The following STIMATE variants were observed in gnomAD, a reference collection of about 807,000 sequenced individuals.
The protein encoded by STIMATE is store-operated calcium entry regulator STIMATE.
A neutral mutation model predicts 36.7 loss-of-function variants in STIMATE; 15 were observed. The ratio of observed to expected loss-of-function variants is 0.41; its 90% CI spans 0.27 to 0.63. The LOEUF is 0.63. STIMATE is among the 20% of genes least tolerant of loss of function. STIMATE has a pLI of 0.32. For synonymous variants in STIMATE, 163 were observed against 162.3 expected, an observed-to-expected ratio of 1.00 and a Z score of -0.03; for missense variants, 305 against 397.3, an observed-to-expected ratio of 0.77 and a Z score of 1.98.
chr3:52,871,843 C>T (rs1440609649), intron 1 of STIMATE, among the ~76,000 whole-genome samples: 1 of 152,118 alleles, frequency 6.6e-6, no homozygotes, highest in Admixed American at 6.5e-5. Context: ...ACAAACACAA[C>T]CCCCCCATGC....
chr3:52,876,340 G>C (rs1029492785), intron 1 of STIMATE, among the ~76,000 whole-genome samples: 2 of 152,158 alleles, frequency 1.3e-5, no homozygotes, highest in East Asian at 3.9e-4. Context: ...GATGGAGCCT[G>C]GTCCCTTGAT....
chr3:52,895,558 T>C (rs1261026341), intron 1 of STIMATE, among the ~76,000 whole-genome samples: 2 of 152,220 alleles, frequency 1.3e-5, no homozygotes, highest in Admixed American at 1.3e-4. Context: ...GATTTGCACA[T>C]GTGCTCACGC....
chr3:52,880,612 C>G (rs1701586758), intron 1 of STIMATE, among the ~76,000 whole-genome samples: 1 of 152,104 alleles, frequency 6.6e-6, no homozygotes, highest in African/African-American at 2.4e-5. Context: ...GGAGACAGAG[C>G]TCCTGGGGCT....
chr3:52,844,996 G>T lies in STIMATE; in HGVS notation c.428-55C>A, dbSNP rs1238280035. ...TGGGGCCCAGGCATCTGAGTGAGAT[G>T]ATGTCCCCACCCCACTCCCCCACAC... On this transcript the variant is annotated intron_variant, in intron 4 of 7. Coordinates refer to ENST00000355083, the MANE Select transcript of STIMATE (RefSeq NM_198563.5). 3.8e-6 allele frequency: 6 copies of T among 1,585,328 alleles called. No homozygotes were observed. The East Asian group carries it at 1.4e-4, about 36-fold the overall frequency.
At chr3:52,861,932 C>T (rs1312343249) in intron 1 of STIMATE, among the ~76,000 whole-genome samples, 2 of 152,180 alleles carry the variant, frequency 1.3e-5, no homozygotes, top group African/African-American at 4.8e-5. Context: ...TCTGTCCTCC[C>T]TACACAGCCT....
At chr3:52,869,139 G>A (rs532924685) in intron 1 of STIMATE, among the ~76,000 whole-genome samples, 2 of 152,200 alleles carry the variant, frequency 1.3e-5, no homozygotes, top group South Asian at 2.1e-4. Flanking sequence ...TCATCCAACT[G>A]ATCCCTCAAG....
At chr3:52,863,408 C>T (rs748457246) in intron 1 of STIMATE, among the ~76,000 whole-genome samples, 1 of 152,136 alleles carries the variant, frequency 6.6e-6, no homozygotes, top group Non-Finnish European at 1.5e-5. Flanking sequence ...ACCACAGGAA[C>T]AGTATGGGGG....
At chr3:52,843,866 G>T in intron 5 of STIMATE, 68 bp from the exon 6 acceptor site, 1 of 1,596,124 alleles carries the variant, frequency 6.3e-7, no homozygotes. Flanking sequence ...GTGGGTGGGT[G>T]GTACCCATAG....
intron 4 of STIMATE, among the ~76,000 whole-genome samples, chr3:52,846,070 T>C (rs1700893764): frequency 6.6e-6 from 1 of 152,246 alleles, no homozygotes; most frequent in Non-Finnish European, 1.5e-5. Context: ...GCACCCATGC[T>C]GGAGGCCCAT....
At position 52,838,638 on chromosome 3, in the gene STIMATE, C is replaced by T. The variant is rs967788345; in HGVS notation, c.*1856G>A. On this transcript the variant is annotated 3_prime_UTR_variant, in exon 8 of 8. Transcript: ENST00000355083. Reference sequence around the variant, plus strand: ...GGAATGACACCAGCAAAGTTGCCTCCTACTGTAGTTACAGTCCCTGCTCCT... The same window carrying T: ...GGAATGACACCAGCAAAGTTGCCTCTTACTGTAGTTACAGTCCCTGCTCCT... 6.6e-6 allele frequency: 1 copy of T among 152,210 alleles called. No homozygotes were observed. The highest frequency in any genetic ancestry group is 1.5e-5 in the Non-Finnish European group (1 of 68,046). 9.4% of individuals were successfully genotyped at this position (152,210 alleles called of 1,614,324 possible).
At chr3:52,887,994 GT>G (rs71087029) in intron 1 of STIMATE, among the ~76,000 whole-genome samples, 1,505 of 52,698 alleles carry the variant, frequency 0.029, 63 homozygotes, top group African/African-American at 0.099. Flanking sequence ...AACAGAATCA[GT>G]TTTTTTTTTT....
At chr3:52,874,924 C>A (rs895576518) in intron 1 of STIMATE, among the ~76,000 whole-genome samples, 3 of 152,220 alleles carry the variant, frequency 2.0e-5, no homozygotes, top group African/African-American at 7.2e-5. Flanking sequence ...CAATTTTGCA[C>A]ATTAGATAAT....
intron 1 of STIMATE, among the ~76,000 whole-genome samples, chr3:52,892,508 G>A (rs985349805): frequency 1.4e-4 from 22 of 152,234 alleles, no homozygotes; most frequent in Non-Finnish European, 1.5e-5. Flanking sequence ...CACTCCAGAA[G>A]GAGGAAAGGA....
At chr3:52,870,311 A>G (rs1460515000) in intron 1 of STIMATE, among the ~76,000 whole-genome samples, 2 of 152,188 alleles carry the variant, frequency 1.3e-5, no homozygotes, top group Non-Finnish European at 2.9e-5. Context: ...AACCAGGGAA[A>G]GAGAAAAATC....
At chr3:52,872,315 G>C (rs1701421677) in intron 1 of STIMATE, among the ~76,000 whole-genome samples, 1 of 152,196 alleles carries the variant, frequency 6.6e-6, no homozygotes, top group Non-Finnish European at 1.5e-5. Context: ...AACAGTATTT[G>C]TTGAACAAAG....
chr3:52,867,551 T>C (rs562014882), intron 1 of STIMATE, among the ~76,000 whole-genome samples: 1 of 152,208 alleles, frequency 6.6e-6, no homozygotes, highest in South Asian at 2.1e-4. Context: ...AACACACCCA[T>C]AGTTTTGGAG....
At chr3:52,855,843 G>C (rs1294937839) in intron 1 of STIMATE, among the ~76,000 whole-genome samples, 1 of 152,196 alleles carries the variant, frequency 6.6e-6, no homozygotes, top group East Asian at 1.9e-4. Context: ...CTCCAACCCA[G>C]GCACTAAGGA....
chr3:52,877,469 A>G (rs1701519411), intron 1 of STIMATE, among the ~76,000 whole-genome samples: 1 of 152,218 alleles, frequency 6.6e-6, no homozygotes, highest in South Asian at 2.1e-4. Flanking sequence ...GCACAGAAAC[A>G]GCAGTAAGAG....
intron 1 of STIMATE, among the ~76,000 whole-genome samples, chr3:52,863,508 G>A (rs1701253038): frequency 1.3e-5 from 2 of 152,188 alleles, no homozygotes; most frequent in South Asian, 4.1e-4. Flanking sequence ...TGAGATTTGG[G>A]TGGGGACACA....
Sources: gnomAD v4.1 joint callset for allele counts (sites outside exome capture counted in the v4.1 genomes callset) on GRCh38, gnomAD v4.1.1 for gene constraint, MANE v1.5 for transcripts, NCBI Gene and HGNC (gene_info 2026-07-23, HGNC 2026-07-21) for gene names.